Variants in LANCL1 observed in about 807,000 individuals in gnomAD.
LANCL1 encodes the protein glutathione S-transferase LANCL1.
In LANCL1, 50 loss-of-function variants were observed where a neutral mutation model predicts 50.6. The observed-to-expected ratio is 0.99, with a 90% CI of 0.79 to 1.25. LANCL1 has a LOEUF of 1.25. LANCL1 is among the 50% of genes most tolerant of loss of function. The probability of loss-of-function intolerance (pLI) is 0.00; values close to 1 mark genes in which losing one functional copy is unlikely to be tolerated. For missense variants in LANCL1, 532 were observed against 480.7 expected (o/e 1.11, Z -1.00); for synonymous variants, 188 against 178.6 (o/e 1.05, Z -0.42).
At chr2:210,474,739 A>AATAAATAAAT (rs67598983) in intron 2 of LANCL1, among the ~76,000 whole-genome samples, 3 of 147,990 alleles carry the variant, frequency 2.0e-5, no homozygotes, top group Admixed American at 6.7e-5. Context: ...AATAAAAATA[A>AATAAATAAAT]AAATAAATAA....
intron 8 of LANCL1, 29 bp downstream of exon 8, chr2:210,436,187 G>A: frequency 6.2e-7 from 1 of 1,602,016 alleles, no homozygotes; most frequent in Non-Finnish European, 8.5e-7. Context: ...CCACCGAGCT[G>A]CTTTCTATTT....
rs147644400 is a variant in LANCL1, at chr2:210,446,127, T to A, written c.408-4684A>T. Reference sequence around the variant, plus strand: ...GAGCTCTGCTGAGGGAAAGACTGTCTCCTCAAGTGAGTCCCTGCCCCCCTG... The same window carrying A: ...GAGCTCTGCTGAGGGAAAGACTGTCACCTCAAGTGAGTCCCTGCCCCCCTG... On this transcript the variant is annotated intron_variant, in intron 4 of 9. Transcript: ENST00000450366. Among the ~76,000 whole-genome samples, 493 of 152,110 alleles carry A rather than the reference T, an allele frequency of 3.2e-3. 3 individuals are homozygous for A. The highest frequency in any genetic ancestry group is 0.011 in the African/African-American group (441 of 41,552).
chr2:210,440,031 A>G (rs1693077840), intron 6 of LANCL1, among the ~76,000 whole-genome samples: 1 of 152,134 alleles, frequency 6.6e-6, no homozygotes, highest in African/African-American at 2.4e-5. Flanking sequence ...AGTAAATTCT[A>G]TCTGTCTTTA....
At chr2:210,451,835 G>T (rs980957814) in intron 4 of LANCL1, among the ~76,000 whole-genome samples, 4 of 152,122 alleles carry the variant, frequency 2.6e-5, no homozygotes, top group Non-Finnish European at 5.9e-5. Context: ...ACATATAATG[G>T]AATATTATTC....
At chr2:210,438,398 G>C (rs1341613526) in intron 6 of LANCL1, among the ~76,000 whole-genome samples, 2 of 152,174 alleles carry the variant, frequency 1.3e-5, no homozygotes, top group African/African-American at 2.4e-5. Flanking sequence ...GCCTCCCAAA[G>C]TGCTGGGATA....
chr2:210,471,808 G>T (rs1028921659), intron 3 of LANCL1, 151 bp downstream of exon 3: 22 of 740,188 alleles, frequency 3.0e-5, no homozygotes, highest in Non-Finnish European at 5.4e-5. Context: ...TGGTTGGTTG[G>T]GTTGAGGGCA....
At chr2:210,436,086 A>T in intron 8 of LANCL1, 130 bp downstream of exon 8, 2 of 689,878 alleles carry the variant, frequency 2.9e-6, no homozygotes, top group East Asian at 2.9e-5. Flanking sequence ...TCATTTTAGT[A>T]GACCATGTTA....
chr2:210,452,194 TACC>T (rs1373023746), intron 4 of LANCL1, among the ~76,000 whole-genome samples: 2 of 151,966 alleles, frequency 1.3e-5, no homozygotes, highest in African/African-American at 2.4e-5. Flanking sequence ...ATGTATATTT[TACC>T]ACAATAAATA....
At chr2:210,468,127 C>T (rs1031930058) in intron 3 of LANCL1, 2 of 151,424 alleles carry the variant, frequency 1.3e-5, no homozygotes, top group African/African-American at 2.4e-5. Context: ...AATTATGATT[C>T]GACATTCCTA....
In LANCL1 at chr2:210,433,735, A is replaced by C. The variant is rs935281697; in HGVS notation, c.*752T>G. 1 of 152,238 alleles carries C rather than the reference A, an allele frequency of 6.6e-6. No homozygotes were observed. The highest frequency in any genetic ancestry group is 2.4e-5 in the African/African-American group (1 of 41,466). The allele number at this position is 152,238 out of a possible 1,614,324, so 9.4% of individuals were successfully genotyped here. A position where few individuals can be genotyped will look rare whatever the true frequency, so the allele number is the denominator to read the frequency against. The stretch of plus-strand genomic sequence containing the variant: ...TTCCAAAAAACTCAGATTATTTTAG[A>C]GAAAACACAGACTGTTATTGTTAGC... On this transcript the variant is annotated 3_prime_UTR_variant, in exon 10 of 10. Coordinates refer to ENST00000450366, the MANE Select transcript of LANCL1 (RefSeq NM_006055.3).
intron 4 of LANCL1, among the ~76,000 whole-genome samples, chr2:210,444,468 C>T (rs182236026): frequency 1.4e-4 from 22 of 152,298 alleles, no homozygotes; most frequent in Admixed American, 4.6e-4. Flanking sequence ...GAAAGAAAGA[C>T]TGAGAGAAAC....
chr2:210,465,900 A>G (rs1694041984), intron 3 of LANCL1, among the ~76,000 whole-genome samples: 1 of 152,190 alleles, frequency 6.6e-6, no homozygotes, highest in African/African-American at 2.4e-5. Context: ...AGGAAGAGAA[A>G]TGACCACCAG....
intron 3 of LANCL1, among the ~76,000 whole-genome samples, chr2:210,461,466 T>C (rs573446411): frequency 1.3e-5 from 2 of 152,248 alleles, no homozygotes; most frequent in South Asian, 2.1e-4. Flanking sequence ...CAAGTAAGTC[T>C]GGTGTCAGCA....
At position 210,471,934 on chromosome 2, in the gene LANCL1, C is replaced by T. The variant is rs747021855; in HGVS notation, c.199+25G>A. 2.0e-6 allele frequency: 3 copies of T among 1,492,982 alleles called. No individual in the cohort carries two copies. In the African/African-American group the frequency reaches 4.1e-5, roughly 21 times the overall value. 92.5% of individuals were successfully genotyped at this position (1,492,982 alleles called of 1,614,324 possible). A position where few individuals can be genotyped will look rare whatever the true frequency, so the allele number is the denominator to read the frequency against. ...CTGGCTCTTAAGCACAATGCTTATG[C>T]CAGCTCACAGTCAGCACTTCATACC... On this transcript the variant is annotated intron_variant, in intron 3 of 9. Coordinates refer to ENST00000450366, the MANE Select transcript of LANCL1 (RefSeq NM_006055.3).
intron 8 of LANCL1, among the ~76,000 whole-genome samples, 166 bp from the exon 9 acceptor site, chr2:210,435,625 T>C (rs1001636730): frequency 3.3e-5 from 5 of 152,138 alleles, no homozygotes; most frequent in African/African-American, 1.2e-4. Context: ...GTACACAGCA[T>C]GGGAGGAATT....
At chr2:210,464,687 C>CCACCTGCAGTCAAGAGAGATGT (rs1693983107) in intron 3 of LANCL1, among the ~76,000 whole-genome samples, 1 of 151,882 alleles carries the variant, frequency 6.6e-6, no homozygotes, top group African/African-American at 2.4e-5. Context: ...TGCGTACAGG[C>CCACCTGCAGTCAAGAGAGATGT]CGGGCGCGGT....
chr2:210,464,679 C>T (rs994433223), intron 3 of LANCL1, among the ~76,000 whole-genome samples: 3 of 152,018 alleles, frequency 2.0e-5, no homozygotes, highest in African/African-American at 4.8e-5. Flanking sequence ...AAAACTTATG[C>T]GTACAGGCCG....
chr2:210,477,426 C>G (rs898623697), upstream of LANCL1: 33 of 886,024 alleles, frequency 3.7e-5, no homozygotes, highest in Admixed American at 2.3e-4. Flanking sequence ...AAACATTTTT[C>G]TTTCATTTAA....
chr2:210,440,301 C>T (rs1693086712), intron 6 of LANCL1, among the ~76,000 whole-genome samples: 1 of 152,206 alleles, frequency 6.6e-6, no homozygotes, highest in African/African-American at 2.4e-5. Flanking sequence ...AGAGGCACTT[C>T]ATACAGAATT....
Sources: gnomAD v4.1 joint callset for allele counts (sites outside exome capture counted in the v4.1 genomes callset) on GRCh38, gnomAD v4.1.1 for gene constraint, MANE v1.5 for transcripts, NCBI Gene and HGNC (gene_info 2026-07-23, HGNC 2026-07-21) for gene names.